C18orf63: variants seen among roughly 807,000 people sequenced by gnomAD.
The protein encoded by C18orf63 is uncharacterized protein C18orf63.
In C18orf63, 50 loss-of-function variants were observed where a neutral mutation model predicts 75.3. That is an observed-to-expected ratio of 0.66 (90% CI 0.53 to 0.84). C18orf63 has a LOEUF of 0.84. Ranked by LOEUF, C18orf63 falls within the 40% of genes least tolerant of loss-of-function variation. The pLI is 0.00. For missense variants in C18orf63, 732 were observed against 800.2 expected (o/e 0.91, Z 1.03); for synonymous variants, 232 against 267.6 (o/e 0.87, Z 1.30).
In C18orf63 at chr18:74,359,076, T is replaced by G. The variant is rs906632746; in HGVS notation, c.*2629T>G. The G allele has an allele frequency of 1.1e-4, 16 of 152,310 alleles. No homozygotes were observed. The highest frequency in any genetic ancestry group is 3.8e-4 in the African/African-American group (16 of 41,586). The allele number at this position is 152,310 out of a possible 1,614,324, so 9.4% of individuals were successfully genotyped here. A position where few individuals can be genotyped will look rare whatever the true frequency, so the allele number is the denominator to read the frequency against. On this transcript the variant is annotated 3_prime_UTR_variant, in exon 14 of 14. Coordinates refer to ENST00000579455, the MANE Select transcript of C18orf63 (RefSeq NM_001174123.2). Reference sequence around the variant, plus strand: ...GATACTTAGGAATAGTCAGTATTTATAAATATTTAAGAATGTCATGGTCCT... The same window carrying G: ...GATACTTAGGAATAGTCAGTATTTAGAAATATTTAAGAATGTCATGGTCCT...
At chr18:74,320,405 C>T (rs1056431666) in intron 2 of C18orf63, 108 bp from the exon 3 acceptor site, 3 of 682,846 alleles carry the variant, frequency 4.4e-6, no homozygotes, top group South Asian at 2.0e-5. Context: ...AATCACTTCC[C>T]ACCAGGTCCC....
At chr18:74,354,964 A>G (rs1034521404) in intron 13 of C18orf63, among the ~76,000 whole-genome samples, 3 of 152,242 alleles carry the variant, frequency 2.0e-5, no homozygotes, top group Non-Finnish European at 4.4e-5. Flanking sequence ...ATTTACTCCA[A>G]AAGTGCTACA....
intron 11 of C18orf63, among the ~76,000 whole-genome samples, chr18:74,344,045 A>G (rs1164768818): frequency 6.6e-6 from 1 of 152,078 alleles, no homozygotes; most frequent in Non-Finnish European, 1.5e-5. Context: ...AGTTAAATGG[A>G]AGGTAAGATG....
intron 4 of C18orf63, among the ~76,000 whole-genome samples, chr18:74,325,221 A>T (rs1984188501): frequency 6.6e-6 from 1 of 152,080 alleles, no homozygotes; most frequent in Non-Finnish European, 1.5e-5. Flanking sequence ...CTTCCTAATC[A>T]CGTTTTGTTT....
chr18:74,327,849 T>C, intron 4 of C18orf63, 98 bp from the exon 5 acceptor site: 1 of 703,378 alleles, frequency 1.4e-6, no homozygotes, highest in South Asian at 1.7e-5. Context: ...CCCGAGTTTG[T>C]TGGGTGGTGA....
intron 11 of C18orf63, among the ~76,000 whole-genome samples, chr18:74,348,216 G>T (rs1984606084): frequency 6.6e-6 from 1 of 152,078 alleles, no homozygotes; most frequent in African/African-American, 2.4e-5. Flanking sequence ...ATTTAGGCCA[G>T]TTATTTGCTA....
rs1252846493 is a variant in C18orf63 at position 74,357,750 on chromosome 18, T to C, written c.*1303T>C. 2.0e-5 allele frequency: 3 copies of C among 152,238 alleles called. No homozygotes were observed. Among genetic ancestry groups the C allele is most frequent in the African/African-American group, 7.2e-5 (3 of 41,468 alleles). 9.4% of individuals were successfully genotyped at this position (152,238 alleles called of 1,614,324 possible). On this transcript the variant is annotated 3_prime_UTR_variant, in exon 14 of 14. Transcript: ENST00000579455. ...GTGTTTAGTTAATTAATTTGCTATATACCTTTATTGTAAGCATTTCTGTTT... is the reference window on the plus strand; with the variant it reads ...GTGTTTAGTTAATTAATTTGCTATACACCTTTATTGTAAGCATTTCTGTTT...
At position 74,328,034 on chromosome 18, in the gene C18orf63, A is replaced by G; in HGVS notation, c.358A>G (p.Arg120Gly). The change falls in exon 5 of 14, where the codon AGA (arginine) becomes GGA (glycine). Residue 120 changes from arginine to glycine, a missense_variant. Arg to Gly is a moderately radical substitution (Grantham distance 125). Transcript: ENST00000579455. ...GGCTAGACTTGCTCCAGCCTGGAAT[A>G]GAACTGGTCATCTCTTGATACAAGG... The part of the protein sequence containing the change: ...FMARLAPAWN[R>G]TGHLLIQGRD... 6.5e-7 allele frequency: 1 copy of G among 1,532,132 alleles called. No individual in the cohort carries two copies. The highest frequency in any genetic ancestry group is 8.7e-7 in the Non-Finnish European group (1 of 1,143,248). The allele number at this position is 1,532,132 out of a possible 1,614,324, so 94.9% of individuals were successfully genotyped here.
chr18:74,341,027 G>A (rs2145125878), intron 8 of C18orf63, among the ~76,000 whole-genome samples: 1 of 152,168 alleles, frequency 6.6e-6, no homozygotes, highest in East Asian at 1.9e-4. Flanking sequence ...CACTTTGGGA[G>A]GCCGAGGCTG....
chr18:74,326,832 AAT>A (rs1491497460), intron 4 of C18orf63, among the ~76,000 whole-genome samples: 1 of 152,148 alleles, frequency 6.6e-6, no homozygotes, highest in Non-Finnish European at 1.5e-5. Context: ...TGAAAATCTT[AAT>A]TTTTAAAATT....
Position 74,354,537 on chromosome 18 carries a change from T to A in C18orf63, c.*24T>A. ...AGAACATGGACCTGAAAGAAGGAAA[T>A]GTCTACCAGGTAACTGAAGTGATAG... On this transcript the variant is annotated 3_prime_UTR_variant, in exon 13 of 14. Coordinates refer to ENST00000579455, the MANE Select transcript of C18orf63 (RefSeq NM_001174123.2). 4.2e-6 allele frequency: 5 copies of A among 1,195,002 alleles called. No homozygotes were observed. Among genetic ancestry groups the A allele is most frequent in the Non-Finnish European group, 5.9e-6 (5 of 848,266 alleles). The allele number at this position is 1,195,002 out of a possible 1,614,324, so 74.0% of individuals were successfully genotyped here.
At chr18:74,317,784 C>G in intron 1 of C18orf63, 50 bp from the exon 2 acceptor site, 1 of 1,075,400 alleles carries the variant, frequency 9.3e-7, no homozygotes, top group Admixed American at 3.0e-5. Context: ...GGTATTGGAA[C>G]TCTATTGGTA....
chr18:74,327,867 G>T, intron 4 of C18orf63, 80 bp from the exon 5 acceptor site: 1 of 805,346 alleles, frequency 1.2e-6, no homozygotes, highest in Non-Finnish European at 2.0e-6. Context: ...TGATCTAAAT[G>T]GGCAGTCATT....
chr18:74,325,291 G>T (rs1180707730), intron 4 of C18orf63, among the ~76,000 whole-genome samples: 1 of 152,050 alleles, frequency 6.6e-6, no homozygotes, highest in Non-Finnish European at 1.5e-5. Context: ...TTTGATCTAT[G>T]GGTTATTTTG....
At chr18:74,344,553 C>A (rs970743203) in intron 11 of C18orf63, among the ~76,000 whole-genome samples, 15 of 152,082 alleles carry the variant, frequency 9.9e-5, no homozygotes, top group African/African-American at 3.6e-4. Flanking sequence ...TTCCTCCTCC[C>A]AAAAGGTGAC....
chr18:74,328,037 A>G lies in C18orf63; in HGVS notation c.361A>G (p.Thr121Ala). The part of the protein sequence containing the change: ...MARLAPAWNR[T>A]GHLLIQGRDF... ...TAGACTTGCTCCAGCCTGGAATAGA[A>G]CTGGTCATCTCTTGATACAAGGTAA... Residue 121 changes from threonine to alanine, a missense_variant, in exon 5 of 14, where the codon ACT (threonine) becomes GCT (alanine). Physicochemically the swap from Thr to Ala is moderately conservative, Grantham distance 58. Transcript: ENST00000579455. 1 of 1,531,354 alleles carries G rather than the reference A, an allele frequency of 6.5e-7. No individual in the cohort carries two copies. Among genetic ancestry groups the G allele is most frequent in the Non-Finnish European group, 8.8e-7 (1 of 1,142,584 alleles). The allele number at this position is 1,531,354 out of a possible 1,614,324, so 94.9% of individuals were successfully genotyped here. A position where few individuals can be genotyped will look rare whatever the true frequency, so the allele number is the denominator to read the frequency against.
Position 74,343,522 on chromosome 18 carries a change from T to C in C18orf63, c.798T>C (p.Tyr266=), listed in dbSNP as rs561910203. 9 of 1,518,060 alleles carry C rather than the reference T, an allele frequency of 5.9e-6. No individual in the cohort carries two copies. In the Admixed American group the frequency reaches 6.3e-5, roughly 11 times the overall value. 94.0% of individuals were successfully genotyped at this position (1,518,060 alleles called of 1,614,324 possible). A position where few individuals can be genotyped will look rare whatever the true frequency, so the allele number is the denominator to read the frequency against. Residue 266 remains tyrosine (Y), a synonymous_variant, in exon 11 of 14, where the codon TAT becomes TAC. Coordinates refer to ENST00000579455, the MANE Select transcript of C18orf63 (RefSeq NM_001174123.2). ...FKMLGERTFT[Y]PLSCIRSQPM... Reference sequence around the variant, plus strand: ...ATTGTTCTTTAACATTGTTCAGATATCCTCTCAGTTGCATCAGAAGTCAGC... The same window carrying C: ...ATTGTTCTTTAACATTGTTCAGATACCCTCTCAGTTGCATCAGAAGTCAGC...
intron 4 of C18orf63, among the ~76,000 whole-genome samples, chr18:74,327,360 T>C (rs914604607): frequency 3.9e-5 from 6 of 152,224 alleles, no homozygotes; most frequent in South Asian, 2.1e-4. Flanking sequence ...TAATCACTTA[T>C]GTCTTTAGAT....
At chr18:74,332,664 A>G (rs1403995597) in intron 7 of C18orf63, among the ~76,000 whole-genome samples, 1 of 151,590 alleles carries the variant, frequency 6.6e-6, no homozygotes, top group African/African-American at 2.4e-5. Flanking sequence ...AGCCAAGATC[A>G]TGCCACTGCA....
Sources: gnomAD v4.1 joint callset for allele counts (sites outside exome capture counted in the v4.1 genomes callset) on GRCh38, gnomAD v4.1.1 for gene constraint, MANE v1.5 for transcripts, NCBI Gene and HGNC (gene_info 2026-07-23, HGNC 2026-07-21) for gene names.